DAP: variants seen among roughly 807,000 people sequenced by gnomAD.
The protein encoded by DAP is death-associated protein 1.
In DAP, 8 loss-of-function variants were observed where a neutral mutation model predicts 13.8. The observed-to-expected ratio is 0.58, with a 90% CI of 0.34 to 1.05. DAP has a LOEUF of 1.05. Among genes scored for constraint, DAP ranks in the 50% least tolerant of loss-of-function variants. The probability of loss-of-function intolerance (pLI) is 0.03; values close to 1 mark genes in which losing one functional copy is unlikely to be tolerated. For synonymous variants in DAP, 47 were observed against 47.5 expected, an observed-to-expected ratio of 0.99 and a Z score of 0.04; for missense variants, 106 against 133.2, an observed-to-expected ratio of 0.80 and a Z score of 1.01.
At chr5:10,709,242 T>C (rs541349326) in intron 2 of DAP, among the ~76,000 whole-genome samples, 6 of 152,378 alleles carry the variant, frequency 3.9e-5, no homozygotes, top group East Asian at 1.9e-4. Context: ...TATAAATGTT[T>C]TTAGGTTTGC....
At chr5:10,744,478 CT>C (rs1739852222) in intron 2 of DAP, among the ~76,000 whole-genome samples, 1 of 152,178 alleles carries the variant, frequency 6.6e-6, no homozygotes, top group Admixed American at 6.5e-5. Context: ...GACGGTGAGG[CT>C]GCAAAAGGGT....
intron 2 of DAP, among the ~76,000 whole-genome samples, chr5:10,733,031 T>G (rs1343505773): frequency 6.6e-6 from 1 of 152,222 alleles, no homozygotes; most frequent in Non-Finnish European, 1.5e-5. Flanking sequence ...TGCATATACA[T>G]AGAATCATGC....
intron 1 of DAP, among the ~76,000 whole-genome samples, chr5:10,750,920 C>T (rs1740029612): frequency 6.6e-6 from 1 of 151,752 alleles, no homozygotes; most frequent in South Asian, 2.1e-4. Context: ...TCTGAAAATC[C>T]TTTTCAAGGC....
In DAP at chr5:10,681,037, A is replaced by G. The variant is rs1343246327; in HGVS notation, c.*19T>C. The G allele has an allele frequency of 1.9e-6, 3 of 1,577,898 alleles. No individual in the cohort carries two copies. Among genetic ancestry groups the G allele is most frequent in the Non-Finnish European group, 1.7e-6 (2 of 1,160,658 alleles). On this transcript the variant is annotated 3_prime_UTR_variant, in exon 4 of 4. Coordinates refer to ENST00000230895, the MANE Select transcript of DAP (RefSeq NM_004394.3). ...TGCAGCAGAGCCGGGGCCATGGGGC[A>G]GGCTGGTGGACTCCAGGCTCACTTG... is the stretch of plus-strand genomic sequence containing the variant.
rs114636062 is a variant in DAP, at chr5:10,745,201, C to T, written c.152+2974G>A. On this transcript the variant is annotated intron_variant, in intron 2 of 3. Transcript: ENST00000230895. ...AACTATTACACAGAGTACCAGGCCTCGTGGAGTGTGTTAGAAAAAGCTGTT... is the reference window on the plus strand; with the variant it reads ...AACTATTACACAGAGTACCAGGCCTTGTGGAGTGTGTTAGAAAAAGCTGTT... 6.9e-3 allele frequency among the ~76,000 whole-genome samples: 1,046 copies of T among 152,218 alleles called. 15 individuals are homozygous for T. The highest frequency in any genetic ancestry group is 0.024 in the African/African-American group (989 of 41,504).
intron 2 of DAP, among the ~76,000 whole-genome samples, chr5:10,689,090 G>GT (rs1214328165): frequency 6.6e-6 from 1 of 152,154 alleles, no homozygotes; most frequent in Non-Finnish European, 1.5e-5. Context: ...CACGACAAGG[G>GT]TGGGGTTCTA....
rs145776829 is a variant in DAP, at chr5:10,707,751, C to T, written c.153-24180G>A. ...TGTGGGTGGTATGGCACACAGGTGG[C>T]GTGGCATAGGAATCATGTGATGCAC... On this transcript the variant is annotated intron_variant, in intron 2 of 3. Transcript: ENST00000230895. The surrounding 1 kb of genome is among the most constrained non-coding windows in gnomAD (Gnocchi z 4.0). 1.4e-4 allele frequency among the ~76,000 whole-genome samples: 21 copies of T among 152,046 alleles called. No individual in the cohort carries two copies. The highest frequency in any genetic ancestry group is 4.6e-4 in the African/African-American group (19 of 41,452).
intron 2 of DAP, among the ~76,000 whole-genome samples, chr5:10,746,523 T>A (rs1579819871): frequency 6.6e-6 from 1 of 151,758 alleles, no homozygotes; most frequent in Non-Finnish European, 1.5e-5. Flanking sequence ...AGAGACGGGG[T>A]TTCCCCATGT....
chr5:10,741,543 T>C (rs1443936996), intron 2 of DAP, among the ~76,000 whole-genome samples: 1 of 152,220 alleles, frequency 6.6e-6, no homozygotes, highest in Admixed American at 6.5e-5. Context: ...GAGTGGTAAT[T>C]AGAAGTATAC....
intron 2 of DAP, among the ~76,000 whole-genome samples, chr5:10,725,119 G>T (rs1311074803): frequency 6.6e-6 from 1 of 152,180 alleles, no homozygotes; most frequent in Non-Finnish European, 1.5e-5. Flanking sequence ...AGCCGTGTTT[G>T]TTTTGGGCCC....
intron 2 of DAP, among the ~76,000 whole-genome samples, chr5:10,686,278 T>C (rs1738152494): frequency 6.6e-6 from 1 of 152,244 alleles, no homozygotes; most frequent in East Asian, 1.9e-4. Flanking sequence ...ATTAGGGCAA[T>C]TAACAACTCT....
At chr5:10,749,185 A>G (rs1739983885) in intron 1 of DAP, among the ~76,000 whole-genome samples, 1 of 152,252 alleles carries the variant, frequency 6.6e-6, no homozygotes, top group Non-Finnish European at 1.5e-5. Context: ...GCATGGATGT[A>G]TCACATTGTA....
chr5:10,686,362 C>CTA (rs1738154015), intron 2 of DAP, among the ~76,000 whole-genome samples: 1 of 152,106 alleles, frequency 6.6e-6, no homozygotes, highest in South Asian at 2.1e-4. Flanking sequence ...CAATCAAAAG[C>CTA]TAGAAATGAC....
chr5:10,751,229 T>G (rs531858223), intron 1 of DAP, among the ~76,000 whole-genome samples: 2 of 152,110 alleles, frequency 1.3e-5, no homozygotes, highest in African/African-American at 4.8e-5. Context: ...AGGAATTCCT[T>G]TCACTTCAAG....
intron 1 of DAP, among the ~76,000 whole-genome samples, chr5:10,751,864 A>G (rs981489120): frequency 6.6e-6 from 1 of 152,224 alleles, no homozygotes; most frequent in Admixed American, 6.5e-5. Context: ...CTTGGACTTC[A>G]GCCTCCCAAG....
intron 3 of DAP, chr5:10,683,328 G>T: frequency 6.0e-6 from 4 of 669,370 alleles, no homozygotes; most frequent in South Asian, 4.9e-5. Flanking sequence ...GCTCTGGAAA[G>T]GTAAAGGATG....
chr5:10,710,765 C>T (rs1348383693), intron 2 of DAP, among the ~76,000 whole-genome samples: 1 of 152,110 alleles, frequency 6.6e-6, no homozygotes, highest in Non-Finnish European at 1.5e-5. Context: ...TCCCAATCAC[C>T]GGGTGTTAAG....
chr5:10,683,779 G>GAGAGAGAAAC (rs1211074902), intron 2 of DAP, among the ~76,000 whole-genome samples: 3 of 152,132 alleles, frequency 2.0e-5, no homozygotes, highest in African/African-American at 7.2e-5. Flanking sequence ...CCCCAAGTAC[G>GAGAGAGAAAC]AGAGAGAAAC....
chr5:10,730,377 C>G (rs1561025472), intron 2 of DAP, among the ~76,000 whole-genome samples: 1 of 152,240 alleles, frequency 6.6e-6, no homozygotes, highest in African/African-American at 2.4e-5. Context: ...CTGTCCTATA[C>G]AAATCTACTA....
Sources: allele counts gnomAD v4.1 joint callset (sites outside exome capture counted in the v4.1 genomes callset), GRCh38; gene constraint gnomAD v4.1.1; non-coding constraint Gnocchi (gnomAD v3.1); transcripts MANE v1.5; gene names NCBI Gene and HGNC (gene_info 2026-07-23, HGNC 2026-07-21).